The following C1QTNF1 variants were observed in gnomAD, a reference collection of about 807,000 sequenced individuals.
C1QTNF1 encodes C1q and TNF related 1, also known as complement C1q tumor necrosis factor-related protein 1.
In C1QTNF1, 22 loss-of-function variants were observed where a neutral mutation model predicts 27.8. The ratio of observed to expected loss-of-function variants is 0.79; its 90% CI spans 0.56 to 1.13. The LOEUF (loss-of-function observed/expected upper bound fraction) is 1.13, where lower values mean the gene tolerates loss of function less well. C1QTNF1 is among the 50% of genes most tolerant of loss of function. C1QTNF1 has a pLI of 0.00. For synonymous variants in C1QTNF1, 166 were observed against 154.3 expected, an observed-to-expected ratio of 1.08 and a Z score of -0.56; for missense variants, 373 against 380.2, an observed-to-expected ratio of 0.98 and a Z score of 0.16.
At position 79,047,837 on chromosome 17, in the gene C1QTNF1, G is replaced by C. The variant is rs776031095; in HGVS notation, c.595G>C (p.Val199Leu). 6.2e-7 allele frequency: 1 copy of C among 1,614,172 alleles called. No individual in the cohort carries two copies. The highest frequency in any genetic ancestry group is 8.5e-7 in the Non-Finnish European group (1 of 1,180,030). ...CGGCCTCTACTTCTTCAGCCTCAACGTGCACACCTGGAACCAGAAGGAGAC... is the reference window on the plus strand; with the variant it reads ...CGGCCTCTACTTCTTCAGCCTCAACCTGCACACCTGGAACCAGAAGGAGAC... Reference protein sequence around the residue: ...VPGLYFFSLNVHTWNQKETYL... With the variant: ...VPGLYFFSLNLHTWNQKETYL... The change falls in exon 4 of 4, where the codon GTG becomes CTG. Residue 199 changes from valine (V) to leucine (L), a missense_variant. Val to Leu is a conservative substitution (Grantham distance 32). Coordinates refer to ENST00000579760, the MANE Select transcript of C1QTNF1 (RefSeq NM_030968.5).
intron 1 of C1QTNF1, among the ~76,000 whole-genome samples, chr17:79,038,452 A>T (rs936307074): frequency 6.6e-6 from 1 of 152,126 alleles, no homozygotes; most frequent in Non-Finnish European, 1.5e-5. Context: ...GGGGTTGAGG[A>T]AGGGACGCTG....
chr17:79,043,032 G>GTA (rs1240735307), intron 1 of C1QTNF1, among the ~76,000 whole-genome samples: 1 of 151,966 alleles, frequency 6.6e-6, no homozygotes, highest in Non-Finnish European at 1.5e-5. Flanking sequence ...TGGATTGCAT[G>GTA]TATATGAATG....
chr17:79,043,036 A>G (rs368924326), intron 1 of C1QTNF1, among the ~76,000 whole-genome samples: 14 of 149,368 alleles, frequency 9.4e-5, no homozygotes, highest in African/African-American at 3.5e-4. Flanking sequence ...TTGCATGTAT[A>G]TGAATGTGTG....
intron 1 of C1QTNF1, among the ~76,000 whole-genome samples, chr17:79,031,911 A>G (rs1311543498): frequency 6.6e-6 from 1 of 152,228 alleles, no homozygotes; most frequent in Admixed American, 6.5e-5. Context: ...CACTCTGGTG[A>G]CAGTGATGTA....
intron 1 of C1QTNF1, among the ~76,000 whole-genome samples, chr17:79,033,155 G>T (rs2072180837): frequency 6.6e-6 from 1 of 152,028 alleles, no homozygotes; most frequent in Non-Finnish European, 1.5e-5. Context: ...GACCAGCGCT[G>T]CCCAGCAGAA....
intron 1 of C1QTNF1, among the ~76,000 whole-genome samples, chr17:79,031,394 C>T (rs946560848): frequency 6.6e-6 from 1 of 152,192 alleles, no homozygotes; most frequent in African/African-American, 2.4e-5. Context: ...TCACCACTCT[C>T]ATCAACCACC....
At chr17:79,028,027 C>T (rs1000518387) in intron 1 of C1QTNF1, among the ~76,000 whole-genome samples, 4 of 152,222 alleles carry the variant, frequency 2.6e-5, no homozygotes, top group East Asian at 1.9e-4. Flanking sequence ...CCATCCTGTC[C>T]AGGACGGCCG....
intron 1 of C1QTNF1, among the ~76,000 whole-genome samples, chr17:79,038,147 G>A (rs189637772): frequency 9.2e-5 from 14 of 151,954 alleles, no homozygotes; most frequent in Admixed American, 2.6e-4. Context: ...ACCCCACCAC[G>A]CCCAGCTAAT....
At chr17:79,027,089 G>T (rs564187342) in intron 1 of C1QTNF1, among the ~76,000 whole-genome samples, 82 of 151,450 alleles carry the variant, frequency 5.4e-4, no homozygotes, top group East Asian at 3.1e-3. Context: ...GGCGGGGGGG[G>T]GCTGTGGCTG....
chr17:79,046,963 C>T lies in C1QTNF1; in HGVS notation c.295+269C>T, dbSNP rs1356168841. The T allele has an allele frequency of 2.0e-6, 1 of 490,592 alleles. No homozygotes were observed. The highest frequency in any genetic ancestry group is 3.6e-6 in the Non-Finnish European group (1 of 276,388). The allele number at this position is 490,592 out of a possible 1,614,324, so 30.4% of individuals were successfully genotyped here. ...CCCAGAGGCTACTCGGGGTCTCGTC[C>T]CTCCAGTTGTATGTGGACGCCAGGC... On this transcript the variant is annotated intron_variant, in intron 3 of 3. Coordinates refer to ENST00000579760, the MANE Select transcript of C1QTNF1 (RefSeq NM_030968.5). This position sits in a 1 kb window ranked among gnomAD's most constrained non-coding sequence, Gnocchi z 4.8.
At chr17:79,025,875 A>G in intron 1 of C1QTNF1, 1 of 427,844 alleles carries the variant, frequency 2.3e-6, no homozygotes, top group South Asian at 1.7e-5. Context: ...AACAGTGGCA[A>G]TCATCATCAC....
Position 79,046,820 on chromosome 17 carries a change from G to A in C1QTNF1, c.295+126G>A, listed in dbSNP as rs1451271961. 7.9e-7 allele frequency: 1 copy of A among 1,261,272 alleles called. No homozygotes were observed. The highest frequency in any genetic ancestry group is 1.5e-5 in the African/African-American group (1 of 66,798). The allele number at this position is 1,261,272 out of a possible 1,614,324, so 78.1% of individuals were successfully genotyped here. A position where few individuals can be genotyped will look rare whatever the true frequency, so the allele number is the denominator to read the frequency against. On this transcript the variant is annotated intron_variant, in intron 3 of 3. Transcript: ENST00000579760. The surrounding 1 kb of genome is among the most constrained non-coding windows in gnomAD (Gnocchi z 4.8). ...TGGCTCCCTCGGGACAGGGAGCAGA[G>A]GCAGGCAGGCTGTCATCTAGAGGGG...
chr17:79,029,147 G>C (rs192642742), intron 1 of C1QTNF1, among the ~76,000 whole-genome samples: 1 of 152,144 alleles, frequency 6.6e-6, no homozygotes, highest in Non-Finnish European at 1.5e-5. Context: ...TACAGTCCTC[G>C]AAGCCAAAGG....
intron 2 of C1QTNF1, 51 bp downstream of exon 2, chr17:79,044,174 G>A (rs1404029353): frequency 2.0e-6 from 3 of 1,509,182 alleles, no homozygotes; most frequent in East Asian, 4.7e-5. Context: ...TGGCCAGGCT[G>A]AGCCTGGGCC....
At chr17:79,026,772 G>A (rs917694778) in intron 1 of C1QTNF1, among the ~76,000 whole-genome samples, 1 of 152,120 alleles carries the variant, frequency 6.6e-6, no homozygotes, top group Non-Finnish European at 1.5e-5. Flanking sequence ...GGCGAGGGAC[G>A]TCCTCCCAAG....
intron 1 of C1QTNF1, among the ~76,000 whole-genome samples, chr17:79,024,704 G>A (rs2071880301): frequency 6.6e-6 from 1 of 152,254 alleles, no homozygotes; most frequent in African/African-American, 2.4e-5. Flanking sequence ...CCCCGCCATA[G>A]GCGCCTTTGC....
In C1QTNF1 at chr17:79,043,978, C is replaced by G. The variant is rs533347184; in HGVS notation, c.10C>G (p.Arg4Gly). The part of the protein sequence containing the change: MGS[R>G]GQGLLLAYCL... ...AGGGCCCGGCAGGAAGATGGGCTCCCGTGGACAGGGACTCTTGCTGGCGTA... is the reference window on the plus strand; with the variant it reads ...AGGGCCCGGCAGGAAGATGGGCTCCGGTGGACAGGGACTCTTGCTGGCGTA... The change falls in exon 2 of 4, where the codon CGT (arginine) becomes GGT (glycine). Residue 4 changes from arginine (R) to glycine (G), a missense_variant. Physicochemically the swap from Arg to Gly is moderately radical, Grantham distance 125 (BLOSUM62 -2). Transcript: ENST00000579760. 24 of 1,613,984 alleles carry G rather than the reference C, an allele frequency of 1.5e-5. No individual in the cohort carries two copies. Among genetic ancestry groups the G allele is most frequent in the Non-Finnish European group, 1.9e-5 (23 of 1,180,032 alleles).
chr17:79,023,800 T>G (rs1286280228), upstream of C1QTNF1, among the ~76,000 whole-genome samples: 1 of 151,898 alleles, frequency 6.6e-6, no homozygotes. Context: ...TCCCCGATAA[T>G]GCACAGGGCG....
intron 2 of C1QTNF1, among the ~76,000 whole-genome samples, chr17:79,044,530 T>A (rs892083821): frequency 6.6e-6 from 1 of 152,136 alleles, no homozygotes; most frequent in Non-Finnish European, 1.5e-5. Context: ...TTAGGAGAGA[T>A]GCTGGACCAA....
Sources: allele counts gnomAD v4.1 joint callset (sites outside exome capture counted in the v4.1 genomes callset), GRCh38; gene constraint gnomAD v4.1.1; non-coding constraint Gnocchi (gnomAD v3.1); transcripts MANE v1.5; gene names NCBI Gene and HGNC (gene_info 2026-07-23, HGNC 2026-07-21).